SPAG16: variants seen among roughly 807,000 people sequenced by gnomAD.
The protein encoded by SPAG16 is sperm associated antigen 16.
SPAG16 carries 86 observed loss-of-function variants against 80.4 expected under a neutral mutation model. The observed-to-expected ratio is 1.07, with a 90% CI of 0.90 to 1.28. The LOEUF is 1.28. Among genes scored for constraint, SPAG16 ranks in the 50% most tolerant of loss-of-function variants. The pLI is 0.00. For missense variants in SPAG16, 870 were observed against 765.3 expected (o/e 1.14, Z -1.61); for synonymous variants, 294 against 265.9 (o/e 1.11, Z -1.03).
chr2:213,765,552 C>T (rs1386237422), intron 10 of SPAG16, among the ~76,000 whole-genome samples: 2 of 152,012 alleles, frequency 1.3e-5, no homozygotes, highest in Non-Finnish European at 2.9e-5. Flanking sequence ...CTTTTTCTGT[C>T]TGCATTCTTA....
intron 15 of SPAG16, among the ~76,000 whole-genome samples, chr2:214,333,562 A>G (rs1697077002): frequency 2.0e-5 from 3 of 152,172 alleles, no homozygotes; most frequent in South Asian, 4.1e-4. Context: ...CTACCTTCCC[A>G]GTGTCATTGG....
intron 15 of SPAG16, among the ~76,000 whole-genome samples, chr2:214,357,078 C>G (rs1041763750): frequency 4.0e-5 from 6 of 151,846 alleles, no homozygotes; most frequent in Non-Finnish European, 8.8e-5. Flanking sequence ...TTCTGGCTCC[C>G]ACTCTTATTA....
intron 15 of SPAG16, among the ~76,000 whole-genome samples, chr2:214,210,572 T>C (rs1054554598): frequency 6.6e-6 from 1 of 152,150 alleles, no homozygotes; most frequent in East Asian, 1.9e-4. Context: ...AAAGATCAAT[T>C]GTGTTTGGTA....
chr2:213,703,386 C>T (rs923777566), intron 10 of SPAG16, among the ~76,000 whole-genome samples: 7 of 152,270 alleles, frequency 4.6e-5, no homozygotes, highest in African/African-American at 7.2e-5. Context: ...GTTGATTCTC[C>T]AGCGCAGAGA....
rs571618072 is a variant in SPAG16 at position 213,756,982 on chromosome 2, C to G, written c.1071-105503C>G. 1.2e-4 allele frequency among the ~76,000 whole-genome samples: 19 copies of G among 152,030 alleles called. No individual in the cohort carries two copies. In the South Asian group the frequency reaches 3.3e-3, roughly 27 times the overall value. On this transcript the variant is annotated intron_variant, in intron 10 of 15. Transcript: ENST00000331683. ...ATAAAGAAATGGAATGTAAAAAATC[C>G]TAAATATTCCACATAAAAAAGCTTA...
At chr2:214,228,544 C>A (rs1688450137) in intron 15 of SPAG16, among the ~76,000 whole-genome samples, 1 of 151,704 alleles carries the variant, frequency 6.6e-6, no homozygotes, top group Admixed American at 6.6e-5. Flanking sequence ...AACTGTTTAA[C>A]CATTATAAAA....
intron 11 of SPAG16, among the ~76,000 whole-genome samples, chr2:213,875,835 C>A (rs918550795): frequency 4.6e-5 from 7 of 152,074 alleles, no homozygotes; most frequent in African/African-American, 1.2e-4. Context: ...TTTATTACGG[C>A]TGTAAATTCA....
chr2:214,087,369 CAA>C, intron 13 of SPAG16, among the ~76,000 whole-genome samples: 1 of 151,972 alleles, frequency 6.6e-6, no homozygotes, highest in Non-Finnish European at 1.5e-5. Flanking sequence ...CTTAACATGA[CAA>C]TAAACTATTA....
intron 13 of SPAG16, among the ~76,000 whole-genome samples, chr2:214,063,292 T>C (rs571851354): frequency 2.0e-5 from 3 of 152,266 alleles, no homozygotes; most frequent in African/African-American, 4.8e-5. Flanking sequence ...ACCTCTCTTA[T>C]CTAATGTGCT....
intron 15 of SPAG16, chr2:214,241,389 A>G (rs971399859): frequency 4.6e-5 from 7 of 150,938 alleles, no homozygotes; most frequent in African/African-American, 1.7e-4. Context: ...GGAAGAAGCC[A>G]TTAGGTCTCT....
chr2:213,459,397 A>G (rs997844653), intron 9 of SPAG16, among the ~76,000 whole-genome samples: 4 of 152,214 alleles, frequency 2.6e-5, no homozygotes, highest in African/African-American at 9.6e-5. Context: ...GAAATCTTTT[A>G]CTGACATCTT....
At chr2:214,329,512 A>G (rs1356032301) in intron 15 of SPAG16, among the ~76,000 whole-genome samples, 2 of 152,208 alleles carry the variant, frequency 1.3e-5, no homozygotes, top group Admixed American at 6.5e-5. Context: ...TTGAAGCTAG[A>G]TGATTGTATA....
chr2:213,308,314 A>G (rs1489250416), intron 3 of SPAG16, among the ~76,000 whole-genome samples: 3 of 152,074 alleles, frequency 2.0e-5, no homozygotes, highest in Non-Finnish European at 4.4e-5. Flanking sequence ...GCTTGCTGAA[A>G]TGTCTTCATT....
At chr2:213,332,717 A>C (rs2064161999) in intron 5 of SPAG16, among the ~76,000 whole-genome samples, 1 of 152,188 alleles carries the variant, frequency 6.6e-6, no homozygotes, top group African/African-American at 2.4e-5. Context: ...AGGATGATTC[A>C]ACATATGCAA....
intron 14 of SPAG16, among the ~76,000 whole-genome samples, chr2:214,138,620 G>A (rs2055186430): frequency 6.6e-6 from 1 of 152,020 alleles, no homozygotes. Context: ...AGATTTAGCA[G>A]GAACCAAAAC....
chr2:213,406,102 T>C (rs1441044762), intron 9 of SPAG16, among the ~76,000 whole-genome samples: 2 of 152,242 alleles, frequency 1.3e-5, no homozygotes, highest in Non-Finnish European at 2.9e-5. Context: ...GGTCAATTAC[T>C]GTAAATGTCA....
chr2:214,346,284 G>A (rs1422266094), intron 15 of SPAG16, among the ~76,000 whole-genome samples: 1 of 151,864 alleles, frequency 6.6e-6, no homozygotes, highest in Non-Finnish European at 1.5e-5. Context: ...CAGGGAGTGT[G>A]TTGTAGCATT....
chr2:213,831,373 T>A (rs960152969), intron 10 of SPAG16, among the ~76,000 whole-genome samples: 4 of 151,452 alleles, frequency 2.6e-5, no homozygotes, highest in Non-Finnish European at 4.4e-5. Context: ...GCAGCTGATA[T>A]TTCTCCCTGC....
intron 15 of SPAG16, among the ~76,000 whole-genome samples, chr2:214,353,462 G>A (rs1034292813): frequency 2.6e-5 from 4 of 152,092 alleles, no homozygotes; most frequent in Non-Finnish European, 5.9e-5. Flanking sequence ...AGAATGTTCT[G>A]GTACCCAGAA....
Sources: gnomAD v4.1 joint callset for allele counts (sites outside exome capture counted in the v4.1 genomes callset) on GRCh38, gnomAD v4.1.1 for gene constraint, MANE v1.5 for transcripts, NCBI Gene and HGNC (gene_info 2026-07-23, HGNC 2026-07-21) for gene names.